TTLL5: variants seen among roughly 807,000 people sequenced by gnomAD.
TTLL5 encodes the protein tubulin polyglutamylase TTLL5.
A neutral mutation model predicts 168.4 loss-of-function variants in TTLL5; 132 were observed. The observed-to-expected ratio is 0.78, with a 90% CI of 0.68 to 0.91. The LOEUF is 0.91. Ranked by LOEUF, TTLL5 falls within the 40% of genes least tolerant of loss-of-function variation. TTLL5 has a pLI of 0.00. For synonymous variants in TTLL5, 546 were observed against 558.6 expected, an observed-to-expected ratio of 0.98 and a Z score of 0.32; for missense variants, 1,545 against 1,581.5, an observed-to-expected ratio of 0.98 and a Z score of 0.39.
In TTLL5 at chr14:75,745,125, G is replaced by T. The variant is rs2140258948; in HGVS notation, c.1312G>T (p.Glu438Ter). ...CCGTCCACTCTCTGCCAGTGATGCG[G>T]AAATGAAAAACCTCGTGGGCTCAGC... Reference protein sequence around the residue: ...RCRPLSASDAEMKNLVGSARE... With the variant: ...RCRPLSASDA The change falls in exon 16 of 32, where the codon GAA (glutamate) becomes TAA (stop). Residue 438 changes from glutamate (E) to a stop codon, truncating the protein, a stop_gained. Coordinates refer to ENST00000298832, the MANE Select transcript of TTLL5 (RefSeq NM_015072.5). LOFTEE classifies it high-confidence loss of function. 1 of 1,613,926 alleles carries T rather than the reference G, an allele frequency of 6.2e-7. No homozygotes were observed. Among genetic ancestry groups the T allele is most frequent in the Non-Finnish European group, 8.5e-7 (1 of 1,179,870 alleles).
chr14:75,869,821 A>ATTTTTTTTTTTTTTTTTTTTTTT lies in TTLL5; in HGVS notation c.3522+5975_3522+5976insTTTTTTTTTTTTTTTTTTTTTTT, dbSNP rs10658095. Reference sequence around the variant, plus strand: ...CTTGCAATGTATACATTCAACAAGTATTTTTTTTTTTTTTTTGCGATGGAG... The same window carrying ATTTTTTTTTTTTTTTTTTTTTTT: ...CTTGCAATGTATACATTCAACAAGTATTTTTTTTTTTTTTTTTTTTTTTTTTTTTTTTTTTTTTTGCGATGGAG... On this transcript the variant is annotated intron_variant, in intron 29 of 31. Coordinates refer to ENST00000298832, the MANE Select transcript of TTLL5 (RefSeq NM_015072.5). 7.3e-5 allele frequency among the ~76,000 whole-genome samples: 6 copies of ATTTTTTTTTTTTTTTTTTTTTTT among 82,424 alleles called. 2 individuals carry two copies. Among genetic ancestry groups the ATTTTTTTTTTTTTTTTTTTTTTT allele is most frequent in the African/African-American group, 1.0e-4 (2 of 20,022 alleles). The allele number at this position is 82,424 out of a possible 152,430, so 54.1% of individuals were successfully genotyped here. A position where few individuals can be genotyped will look rare whatever the true frequency, so the allele number is the denominator to read the frequency against.
intron 27 of TTLL5, among the ~76,000 whole-genome samples, chr14:75,805,191 A>T (rs918813422): frequency 6.6e-6 from 1 of 152,186 alleles, no homozygotes. Flanking sequence ...TTCCTTTAGC[A>T]TGTGGCACTA....
intron 31 of TTLL5, among the ~76,000 whole-genome samples, chr14:75,935,159 G>A (rs1488280746): frequency 4.6e-5 from 7 of 152,220 alleles, no homozygotes; most frequent in African/African-American, 1.7e-4. Flanking sequence ...TCTAAAATTA[G>A]TAGCATTGTC....
At chr14:75,939,707 C>A (rs2034540053) in intron 31 of TTLL5, among the ~76,000 whole-genome samples, 1 of 152,038 alleles carries the variant, frequency 6.6e-6, no homozygotes, top group Non-Finnish European at 1.5e-5. Context: ...TACTTCTCAC[C>A]TTCTTTAGGT....
rs765350105 is a variant in TTLL5, at chr14:75,735,225, C to T, written c.1217C>T (p.Ala406Val). ...GFVCQDPAQR[A>V]STRPIYPTFE... Reference sequence around the variant, plus strand: ...GTGTGCCAAGATCCTGCCCAGCGGGCATCAACTCGGCCAATTTATCCCACC... The same window carrying T: ...GTGTGCCAAGATCCTGCCCAGCGGGTATCAACTCGGCCAATTTATCCCACC... Residue 406 changes from alanine to valine, a missense_variant, in exon 15 of 32, where the codon GCA becomes GTA. Physicochemically the swap from Ala to Val is moderately conservative, Grantham distance 64. Transcript: ENST00000298832. 1 of 1,614,210 alleles carries T rather than the reference C, an allele frequency of 6.2e-7. No individual in the cohort carries two copies. The highest frequency in any genetic ancestry group is 1.1e-5 in the South Asian group (1 of 91,090).
Position 75,783,233 on chromosome 14 carries a change from A to G in TTLL5, c.2689A>G (p.Asn897Asp). The G allele has an allele frequency of 6.2e-7, 1 of 1,614,172 alleles. No individual in the cohort carries two copies. Among genetic ancestry groups the G allele is most frequent in the South Asian group, 1.1e-5 (1 of 91,076 alleles). ...GPTATLQKIP[N>D]THLSSVTTSD... The stretch of plus-strand genomic sequence containing the variant: ...TACTGCTACTCTGCAGAAAATTCCC[A>G]ACACCCATTTGTCATCTGTTACAAC... Residue 897 changes from asparagine to aspartate, a missense_variant, in exon 26 of 32, where the codon AAC becomes GAC. Asn to Asp is a conservative substitution (Grantham distance 23). Coordinates refer to ENST00000298832, the MANE Select transcript of TTLL5 (RefSeq NM_015072.5).
intron 20 of TTLL5, among the ~76,000 whole-genome samples, chr14:75,766,862 G>C (rs1890993068): frequency 1.3e-5 from 2 of 152,036 alleles, no homozygotes; most frequent in African/African-American, 4.8e-5. Flanking sequence ...GCTAGGTAGA[G>C]GCAATAAAGA....
intron 13 of TTLL5, among the ~76,000 whole-genome samples, chr14:75,733,079 T>G (rs546322450): frequency 4.6e-5 from 7 of 152,322 alleles, no homozygotes; most frequent in Admixed American, 3.9e-4. Context: ...TTTTTAAGGA[T>G]GAGAGATATT....
In TTLL5 at chr14:75,683,581, T is replaced by C. The variant is rs142141819; in HGVS notation, c.296T>C (p.Met99Thr). The C allele has an allele frequency of 2.5e-6, 4 of 1,613,914 alleles. No individual in the cohort carries two copies. Among genetic ancestry groups the C allele is most frequent in the African/African-American group, 2.7e-5 (2 of 74,918 alleles). ...CCAAGCAGCACTGACTATAACCTAA[T>C]GTGGACAGGATCCCACCTGAAGCCC... ...VHPSSTDYNL[M>T]WTGSHLKPFL... The change falls in exon 5 of 32, where the codon ATG (methionine) becomes ACG (threonine). Residue 99 changes from methionine to threonine, a missense_variant. By Grantham distance (81) the Met-to-Thr change is moderately conservative. Coordinates refer to ENST00000298832, the MANE Select transcript of TTLL5 (RefSeq NM_015072.5).
chr14:75,771,263 C>T (rs897461142), intron 20 of TTLL5, among the ~76,000 whole-genome samples: 3 of 152,132 alleles, frequency 2.0e-5, no homozygotes, highest in Non-Finnish European at 4.4e-5. Flanking sequence ...CCCGTCTCTA[C>T]TAAAAATACA....
intron 22 of TTLL5, among the ~76,000 whole-genome samples, chr14:75,776,490 G>A (rs1595019759): frequency 6.6e-6 from 1 of 152,202 alleles, no homozygotes; most frequent in African/African-American, 2.4e-5. Context: ...AATGGGCTGT[G>A]TAAGTAGAAA....
At chr14:75,785,036 T>G (rs905175540) in intron 26 of TTLL5, among the ~76,000 whole-genome samples, 3 of 152,212 alleles carry the variant, frequency 2.0e-5, no homozygotes, top group African/African-American at 7.2e-5. Context: ...ACTTGATGGT[T>G]ATCTTTTCAC....
intron 26 of TTLL5, among the ~76,000 whole-genome samples, chr14:75,787,464 TAA>T (rs1892436928): frequency 6.6e-6 from 1 of 152,140 alleles, no homozygotes; most frequent in Non-Finnish European, 1.5e-5. Flanking sequence ...TAAACAATTC[TAA>T]AAGTGTCTGC....
In TTLL5 at chr14:75,874,076, CTTTATTTA is replaced by C. The variant is rs143951017; in HGVS notation, c.3523-8585_3523-8578del. On this transcript the variant is annotated intron_variant, in intron 29 of 31. Coordinates refer to ENST00000298832, the MANE Select transcript of TTLL5 (RefSeq NM_015072.5). ...TTAATACCATGATTAAATGGTTATTCTTTATTTATTTATTTATTTATTTATTTATTTTT... is the reference window on the plus strand; with the variant it reads ...TTAATACCATGATTAAATGGTTATTCTTTATTTATTTATTTATTTATTTTT... Among the ~76,000 whole-genome samples the C allele has an allele frequency of 7.1e-4, 107 of 149,958 alleles. 1 individual carries two copies. The East Asian group carries it at 0.016, about 22-fold the overall frequency.
intron 27 of TTLL5, among the ~76,000 whole-genome samples, chr14:75,808,429 G>A (rs1447056150): frequency 6.6e-6 from 1 of 152,186 alleles, no homozygotes; most frequent in Non-Finnish European, 1.5e-5. Context: ...ATTGAAGAAG[G>A]AATTGAATTG....
At chr14:75,734,561 G>T (rs971713328) in intron 14 of TTLL5, among the ~76,000 whole-genome samples, 12 of 152,078 alleles carry the variant, frequency 7.9e-5, no homozygotes, top group Admixed American at 7.9e-4. Flanking sequence ...ACTATAAAAA[G>T]ACATAATAAA....
At chr14:75,874,933 C>CTTTTTTTTTTTTTTTTTTTTTTTTTTTT (rs1555353208) in intron 29 of TTLL5, among the ~76,000 whole-genome samples, 23 of 97,534 alleles carry the variant, frequency 2.4e-4, no homozygotes, top group East Asian at 8.2e-4. Flanking sequence ...CACTGGGGGC[C>CTTTTTTTTTTTTTTTTTTTTTTTTTTTT]TTTTTTTTTT....
chr14:75,921,650 A>G (rs936636142), intron 31 of TTLL5, among the ~76,000 whole-genome samples: 4 of 152,204 alleles, frequency 2.6e-5, no homozygotes, highest in African/African-American at 9.7e-5. Context: ...GTTTGAAGTC[A>G]GGTAGTGCGA....
chr14:75,899,441 A>G (rs1292829831), intron 30 of TTLL5, among the ~76,000 whole-genome samples: 1 of 152,254 alleles, frequency 6.6e-6, no homozygotes, highest in Non-Finnish European at 1.5e-5. Context: ...TGTTATCACA[A>G]CAAAAGCATA....
Sources: gnomAD v4.1 joint callset for allele counts (sites outside exome capture counted in the v4.1 genomes callset) on GRCh38, gnomAD v4.1.1 for gene constraint, MANE v1.5 for transcripts, NCBI Gene and HGNC (gene_info 2026-07-23, HGNC 2026-07-21) for gene names.